Variants in ZNRF3 observed in about 807,000 individuals in gnomAD.
The protein encoded by ZNRF3 is zinc and ring finger 3, also known as E3 ubiquitin-protein ligase ZNRF3.
In ZNRF3, 23 loss-of-function variants were observed where a neutral mutation model predicts 72.5. The observed-to-expected ratio is 0.32, with a 90% CI of 0.23 to 0.45. ZNRF3 has a LOEUF of 0.45. Ranked by LOEUF, ZNRF3 falls within the 20% of genes least tolerant of loss-of-function variation. The pLI is 1.00. For synonymous variants in ZNRF3, 610 were observed against 545.3 expected, an observed-to-expected ratio of 1.12 and a Z score of -1.65; for missense variants, 1,169 against 1,272.1, an observed-to-expected ratio of 0.92 and a Z score of 1.23.
chr22:29,050,243 G>A lies in ZNRF3; in HGVS notation c.2062G>A (p.Glu688Lys), dbSNP rs745591606. Reference protein sequence around the residue: ...PNSSTSEVGLEASPGAAPDLR... With the variant: ...PNSSTSEVGLKASPGAAPDLR... Reference sequence around the variant, plus strand: ...TAGCTCTACCTCAGAAGTGGGGCTCGAGGCTTCTCCTGGGGCCGCCCCTGA... The same window carrying A: ...TAGCTCTACCTCAGAAGTGGGGCTCAAGGCTTCTCCTGGGGCCGCCCCTGA... Residue 688 changes from glutamate to lysine, a missense_variant, in exon 8 of 9, where the codon GAG (glutamate) becomes AAG (lysine). By Grantham distance (56) the Glu-to-Lys change is moderately conservative. Around this residue, in one of 2 missense-constraint regions of ZNRF3, gnomAD observed 783 missense variants for 731.4 expected, o/e 1.07. Transcript: ENST00000544604. 1.9e-6 allele frequency: 3 copies of A among 1,599,252 alleles called. No individual in the cohort carries two copies. Among genetic ancestry groups the A allele is most frequent in the African/African-American group, 2.7e-5 (2 of 75,042 alleles).
intron 2 of ZNRF3, among the ~76,000 whole-genome samples, chr22:29,011,034 GTC>G (rs1377849575): frequency 1.3e-5 from 2 of 152,126 alleles, no homozygotes; most frequent in East Asian, 3.8e-4. Context: ...TGCTTTCGGT[GTC>G]TCTTCTCTTT....
chr22:29,005,801 C>A (rs770705875), intron 2 of ZNRF3, among the ~76,000 whole-genome samples: 14 of 152,098 alleles, frequency 9.2e-5, no homozygotes, highest in Non-Finnish European at 2.1e-4. Context: ...TCAGGCCAGG[C>A]GAGGTGGGCG....
At chr22:28,991,945 C>T (rs1227185878) in intron 2 of ZNRF3, among the ~76,000 whole-genome samples, 1 of 151,734 alleles carries the variant, frequency 6.6e-6, no homozygotes, top group Non-Finnish European at 1.5e-5. Flanking sequence ...AAGTTCAAGA[C>T]CAGTTTGGGC....
chr22:29,008,658 G>T (rs138314169), intron 2 of ZNRF3, among the ~76,000 whole-genome samples: 10 of 152,342 alleles, frequency 6.6e-5, no homozygotes, highest in Non-Finnish European at 1.0e-4. Context: ...AGCTGTGTGT[G>T]TGGAAAGTGC....
intron 2 of ZNRF3, among the ~76,000 whole-genome samples, chr22:28,989,070 AT>A (rs1337940176): frequency 6.6e-6 from 1 of 152,220 alleles, no homozygotes; most frequent in African/African-American, 2.4e-5. Flanking sequence ...ATATTGAATC[AT>A]TAAGTGCTTC....
chr22:28,935,538 A>G (rs892772769), intron 1 of ZNRF3, among the ~76,000 whole-genome samples: 4 of 152,188 alleles, frequency 2.6e-5, no homozygotes, highest in Non-Finnish European at 4.4e-5. Flanking sequence ...TTTGGGGTCA[A>G]GACTGCTGTC....
At chr22:28,986,867 C>G (rs1001225925) in intron 1 of ZNRF3, among the ~76,000 whole-genome samples, 1 of 152,164 alleles carries the variant, frequency 6.6e-6, no homozygotes, top group South Asian at 2.1e-4. Context: ...GCATGCATAA[C>G]ATACATTTAT....
intron 1 of ZNRF3, among the ~76,000 whole-genome samples, chr22:28,978,987 C>G (rs9941921): frequency 2.6e-3 from 389 of 152,252 alleles, no homozygotes; most frequent in African/African-American, 9.0e-3. Flanking sequence ...CATTGCTCCC[C>G]TCACCCTGGC....
At chr22:28,998,683 C>G (rs1285831814) in intron 2 of ZNRF3, among the ~76,000 whole-genome samples, 1 of 152,200 alleles carries the variant, frequency 6.6e-6, no homozygotes, top group Non-Finnish European at 1.5e-5. Flanking sequence ...CCATGAACCT[C>G]TTGGTTAAAA....
chr22:28,952,654 CAT>C (rs1327713868), intron 1 of ZNRF3, among the ~76,000 whole-genome samples: 1 of 152,102 alleles, frequency 6.6e-6, no homozygotes, highest in East Asian at 1.9e-4. Context: ...CTATTAAGAA[CAT>C]AATGTTTATG....
chr22:28,942,231 T>C (rs1196523940), intron 1 of ZNRF3, among the ~76,000 whole-genome samples: 3 of 152,232 alleles, frequency 2.0e-5, no homozygotes, highest in African/African-American at 7.2e-5. Context: ...AGCTATGTGA[T>C]GTGACGCGAT....
chr22:28,983,395 C>G (rs1401165697), intron 1 of ZNRF3, among the ~76,000 whole-genome samples: 13 of 152,188 alleles, frequency 8.5e-5, no homozygotes, highest in Non-Finnish European at 1.8e-4. Context: ...CTCCACATGC[C>G]TTTCCTGAGG....
chr22:29,021,538 A>G (rs2036539790), intron 2 of ZNRF3, among the ~76,000 whole-genome samples: 1 of 150,192 alleles, frequency 6.7e-6, no homozygotes, highest in African/African-American at 2.5e-5. Context: ...CCCAGGCTGG[A>G]GTGCAGTGGC....
At chr22:28,940,703 G>C (rs917305996) in intron 1 of ZNRF3, among the ~76,000 whole-genome samples, 1 of 152,118 alleles carries the variant, frequency 6.6e-6, no homozygotes, top group Non-Finnish European at 1.5e-5. Context: ...GGGCAGGAGT[G>C]AGTCTGATTC....
At chr22:28,941,968 AC>A (rs1281366607) in intron 1 of ZNRF3, among the ~76,000 whole-genome samples, 1 of 152,074 alleles carries the variant, frequency 6.6e-6, no homozygotes, top group African/African-American at 2.4e-5. Flanking sequence ...AAACAAAACA[AC>A]AACAACAACA....
At chr22:29,015,640 C>T (rs1005064236) in intron 2 of ZNRF3, among the ~76,000 whole-genome samples, 10 of 149,232 alleles carry the variant, frequency 6.7e-5, no homozygotes, top group South Asian at 4.3e-4. Flanking sequence ...ACTGCACTCC[C>T]GCCTGGGTGA....
chr22:29,022,685 A>C (rs531740812), intron 2 of ZNRF3, among the ~76,000 whole-genome samples: 1 of 152,364 alleles, frequency 6.6e-6, no homozygotes, highest in Admixed American at 6.5e-5. Context: ...AAGCAATCTC[A>C]GTAGGTTGGA....
intron 1 of ZNRF3, among the ~76,000 whole-genome samples, chr22:28,937,209 A>T (rs1377238330): frequency 0.011 from 29 of 2,700 alleles, no homozygotes; most frequent in Non-Finnish European, 0.02. Context: ...ATATATATAT[A>T]TATATATTTT....
Position 28,884,916 on chromosome 22 carries a change from T to TG in ZNRF3, c.300+853dup, listed in dbSNP as rs1489034183. Among the ~76,000 whole-genome samples the TG allele has an allele frequency of 5.9e-5, 9 of 152,290 alleles. No individual in the cohort carries two copies. In the South Asian group the frequency reaches 1.0e-3, roughly 18 times the overall value. ...ACTGAAGCTTCTGCGGATGGTTAGC[T>TG]GGGTGGATGTCTTCCCGCTTCCTTG... On this transcript the variant is annotated intron_variant, in intron 1 of 8. Transcript: ENST00000544604.
Sources: allele counts gnomAD v4.1 joint callset (sites outside exome capture counted in the v4.1 genomes callset), GRCh38; gene constraint gnomAD v4.1.1; regional missense constraint gnomAD v4.1.1; transcripts MANE v1.5; gene names NCBI Gene and HGNC (gene_info 2026-07-23, HGNC 2026-07-21).